Variants in DCAF17 observed in about 807,000 individuals in gnomAD.
DCAF17 encodes DDB1 and CUL4 associated factor 17.
A neutral mutation model predicts 66.0 loss-of-function variants in DCAF17; 48 were observed. The observed-to-expected ratio is 0.73, with a 90% confidence interval of 0.58 to 0.92. The LOEUF (loss-of-function observed/expected upper bound fraction) is 0.92. DCAF17 is among the 40% of genes least tolerant of loss of function. DCAF17 has a pLI of 0.00. For synonymous variants in DCAF17, 206 were observed against 214.6 expected, an observed-to-expected ratio of 0.96 and a Z score of 0.35; for missense variants, 562 against 622.8, an observed-to-expected ratio of 0.90 and a Z score of 1.04.
chr2:171,461,531 A>G (rs1695586221), intron 8 of DCAF17, among the ~76,000 whole-genome samples: 3 of 152,242 alleles, frequency 2.0e-5, no homozygotes, highest in Admixed American at 6.5e-5. Context: ...ACATGGGGTT[A>G]ACTGTTATCT....
intron 8 of DCAF17, among the ~76,000 whole-genome samples, chr2:171,465,048 T>A (rs1695815463): frequency 6.6e-6 from 1 of 151,448 alleles, no homozygotes; most frequent in Non-Finnish European, 1.5e-5. Context: ...ATAGAAAAAA[T>A]TTAGCCAGGC....
intron 8 of DCAF17, among the ~76,000 whole-genome samples, chr2:171,467,640 G>T (rs1379182727): frequency 1.4e-5 from 2 of 145,516 alleles, no homozygotes; most frequent in African/African-American, 2.6e-5. Context: ...TGAGGCATGA[G>T]AATTGCTTGA....
chr2:171,435,120 C>G lies in DCAF17; in HGVS notation c.164C>G (p.Ser55Cys). The change falls in exon 2 of 14, where the codon TCC becomes TGC. Residue 55 changes from serine (S) to cysteine (C), a missense_variant. Transcript: ENST00000375255. ...TKFKNVWTTHSRSPIAYERGR... is the reference protein window; with the variant it reads ...TKFKNVWTTHCRSPIAYERGR... ...TTTAAGAATGTCTGGACAACTCATT[C>G]CAGGTCACCTATAGCCTATGAGAGA... The G allele has an allele frequency of 6.2e-7, 1 of 1,613,248 alleles. No homozygotes were observed. Among genetic ancestry groups the G allele is most frequent in the East Asian group, 2.2e-5 (1 of 44,856 alleles).
chr2:171,434,746 C>G (rs1213248405), intron 1 of DCAF17, 43 bp downstream of exon 1: 1 of 1,390,966 alleles, frequency 7.2e-7, no homozygotes, highest in Non-Finnish European at 9.2e-7. Context: ...GCCGCGGGCG[C>G]GCGGCGGCCG....
intron 10 of DCAF17, 54 bp downstream of exon 10, chr2:171,474,029 T>C: frequency 6.8e-7 from 1 of 1,460,942 alleles, no homozygotes; most frequent in East Asian, 2.3e-5. Context: ...GTAGCATTTA[T>C]TGGCATCTTT....
chr2:171,483,417 G>GT lies in DCAF17; in HGVS notation c.*2304dup. ...GGTACAGACGTTACGCTGAAAAGAG[G>GT]TGCATTCTGCATTGCACTCCTGGAT... On this transcript the variant is annotated 3_prime_UTR_variant, in exon 14 of 14. Transcript: ENST00000375255. The GT allele has an allele frequency of 2.2e-6, 1 of 454,114 alleles. No individual in the cohort carries two copies. The highest frequency in any genetic ancestry group is 1.6e-5 in the South Asian group (1 of 64,476). The allele number at this position is 454,114 out of a possible 1,614,324, so 28.1% of individuals were successfully genotyped here.
intron 8 of DCAF17, among the ~76,000 whole-genome samples, chr2:171,464,830 T>C (rs1311412228): frequency 6.6e-6 from 1 of 152,168 alleles, no homozygotes; most frequent in Non-Finnish European, 1.5e-5. Flanking sequence ...AGCTTCTTGA[T>C]TTCTAATAAA....
At chr2:171,474,066 A>G (rs973672200) in intron 10 of DCAF17, 91 bp downstream of exon 10, 8 of 1,000,966 alleles carry the variant, frequency 8.0e-6, no homozygotes, top group African/African-American at 3.2e-5. Flanking sequence ...TAGTGAGCCA[A>G]TTAATGGAAA....
intron 7 of DCAF17, 46 bp downstream of exon 7, chr2:171,458,121 C>A: frequency 6.6e-7 from 1 of 1,523,790 alleles, no homozygotes; most frequent in South Asian, 1.1e-5. Flanking sequence ...CATGAGTTTT[C>A]GACTAAAGTA....
intron 2 of DCAF17, among the ~76,000 whole-genome samples, chr2:171,440,450 C>T (rs763726394): frequency 6.6e-6 from 1 of 152,132 alleles, no homozygotes; most frequent in Non-Finnish European, 1.5e-5. Flanking sequence ...TGGCACACAC[C>T]TGTAGTCCCA....
chr2:171,477,561 A>G (rs763977173), intron 11 of DCAF17, among the ~76,000 whole-genome samples: 4 of 152,186 alleles, frequency 2.6e-5, no homozygotes, highest in South Asian at 2.1e-4. Flanking sequence ...TGGAAGGCCA[A>G]GGCAGACAGA....
intron 8 of DCAF17, 39 bp downstream of exon 8, chr2:171,458,516 T>C (rs1270686997): frequency 1.4e-6 from 2 of 1,450,940 alleles, no homozygotes; most frequent in African/African-American, 2.8e-5. Context: ...CTTAAAAAAA[T>C]TAAGTGGTCA....
intron 12 of DCAF17, 163 bp from the exon 13 acceptor site, chr2:171,479,875 G>A (rs1414013419): frequency 2.7e-6 from 2 of 728,640 alleles, no homozygotes; most frequent in Admixed American, 5.7e-5. Flanking sequence ...GTTTTACTAG[G>A]CATATAAACA....
rs1398690417 is a variant in DCAF17, at chr2:171,484,709, A to G, written c.*3595A>G. On this transcript the variant is annotated 3_prime_UTR_variant, in exon 14 of 14. Transcript: ENST00000375255. ...TTCCAAAATTTAGACCATTGCAATC[A>G]TCTTCAGAAAGTTTCCTAAATCCCT... 2.2e-6 allele frequency: 1 copy of G among 454,032 alleles called. No individual in the cohort carries two copies. The allele number at this position is 454,032 out of a possible 1,614,324, so 28.1% of individuals were successfully genotyped here.
In DCAF17 at chr2:171,448,758, A is replaced by G. The variant is rs919541317; in HGVS notation, c.399A>G (p.Ile133Met). The G allele has an allele frequency of 1.2e-6, 2 of 1,613,208 alleles. No individual in the cohort carries two copies. Among genetic ancestry groups the G allele is most frequent in the East Asian group, 2.2e-5 (1 of 44,816 alleles). The part of the protein sequence containing the change: ...ALTAHNWLLR[I>M]SATTGKILEK... ...CTGCTCATAATTGGCTACTTCGTAT[A>G]TCAGCAACTACGGGAAAAATCCTTG... The change falls in exon 4 of 14, where the codon ATA (isoleucine) becomes ATG (methionine). Residue 133 changes from isoleucine to methionine, a missense_variant. Physicochemically the swap from Ile to Met is conservative, Grantham distance 10. Transcript: ENST00000375255.
intron 8 of DCAF17, among the ~76,000 whole-genome samples, chr2:171,465,765 A>G (rs1695863382): frequency 6.6e-6 from 1 of 152,110 alleles, no homozygotes; most frequent in Non-Finnish European, 1.5e-5. Flanking sequence ...GATTACAGAC[A>G]TGGGCCACTG....
chr2:171,445,045 G>C (rs866734583), intron 3 of DCAF17, among the ~76,000 whole-genome samples: 1 of 152,042 alleles, frequency 6.6e-6, no homozygotes, highest in South Asian at 2.1e-4. Context: ...GAGTATGGGG[G>C]AAGACGACAG....
intron 2 of DCAF17, among the ~76,000 whole-genome samples, chr2:171,440,522 C>T (rs75594139): frequency 0.2 from 30,649 of 151,768 alleles, 3,241 homozygotes; most frequent in South Asian, 0.28. Flanking sequence ...CTGCTCGAGC[C>T]GTCAGCATGC....
At chr2:171,467,192 A>C (rs1695952848) in intron 8 of DCAF17, among the ~76,000 whole-genome samples, 1 of 151,774 alleles carries the variant, frequency 6.6e-6, no homozygotes, top group African/African-American at 2.4e-5. Context: ...CAATAAATAC[A>C]GGAAAATTTT....
Sources: gnomAD v4.1 joint callset for allele counts (sites outside exome capture counted in the v4.1 genomes callset) on GRCh38, gnomAD v4.1.1 for gene constraint, MANE v1.5 for transcripts, NCBI Gene and HGNC (gene_info 2026-07-23, HGNC 2026-07-21) for gene names.